Variants in UBE2H observed in about 807,000 individuals in gnomAD.
The protein encoded by UBE2H is ubiquitin-conjugating enzyme E2 H.
In UBE2H, 3 loss-of-function variants were observed where a neutral mutation model predicts 29.0. That is an observed-to-expected ratio of 0.10 (90% CI 0.05 to 0.27). The LOEUF is 0.27. Ranked by LOEUF, UBE2H falls within the 10% of genes least tolerant of loss-of-function variation. UBE2H has a pLI of 1.00. For synonymous variants in UBE2H, 69 were observed against 82.9 expected (o/e 0.83, Z 0.91); for missense variants, 68 against 228.2 (o/e 0.30, Z 4.52).
chr7:129,947,984 C>T (rs1807799099), intron 1 of UBE2H, among the ~76,000 whole-genome samples: 1 of 152,114 alleles, frequency 6.6e-6, no homozygotes, highest in Non-Finnish European at 1.5e-5. Context: ...TCCCAAGTAG[C>T]TGGGACTACA....
chr7:129,931,365 G>A (rs1807392880), intron 1 of UBE2H, among the ~76,000 whole-genome samples: 3 of 152,042 alleles, frequency 2.0e-5, no homozygotes, highest in Admixed American at 2.0e-4. Flanking sequence ...TCCAGCCTGG[G>A]CAACAGAGTA....
intron 1 of UBE2H, among the ~76,000 whole-genome samples, chr7:129,925,713 T>G (rs1807253756): frequency 6.6e-6 from 1 of 152,136 alleles, no homozygotes; most frequent in African/African-American, 2.4e-5. Flanking sequence ...AGGGGAATAG[T>G]CTCAGCTAGC....
At chr7:129,863,155 T>G (rs1453522836) in intron 3 of UBE2H, among the ~76,000 whole-genome samples, 1 of 152,238 alleles carries the variant, frequency 6.6e-6, no homozygotes, top group Non-Finnish European at 1.5e-5. Context: ...CAGTTTTCAA[T>G]TAAATCTAGA....
At chr7:129,897,077 C>G (rs1046761069) in intron 1 of UBE2H, among the ~76,000 whole-genome samples, 6 of 152,106 alleles carry the variant, frequency 3.9e-5, no homozygotes, top group African/African-American at 1.4e-4. Context: ...ATTCAGCGCA[C>G]CCCAAAGTCA....
At chr7:129,946,113 C>T (rs1455164436) in intron 1 of UBE2H, among the ~76,000 whole-genome samples, 3 of 150,704 alleles carry the variant, frequency 2.0e-5, no homozygotes, top group African/African-American at 7.3e-5. Context: ...AGCACAGTGG[C>T]GCTATCTCTG....
chr7:129,864,841 C>T (rs1041110955), intron 3 of UBE2H, among the ~76,000 whole-genome samples: 3 of 152,050 alleles, frequency 2.0e-5, no homozygotes, highest in Non-Finnish European at 4.4e-5. Flanking sequence ...AGTGAGCCAC[C>T]GTGCCCGGCC....
chr7:129,932,699 G>A (rs927715759), intron 1 of UBE2H, among the ~76,000 whole-genome samples: 40 of 150,562 alleles, frequency 2.7e-4, no homozygotes, highest in African/African-American at 9.0e-4. Flanking sequence ...GCCTGAACCC[G>A]GAAGGCGGAG....
chr7:129,880,081 GA>G (rs1346901264), intron 2 of UBE2H, among the ~76,000 whole-genome samples: 2 of 152,154 alleles, frequency 1.3e-5, no homozygotes, highest in Non-Finnish European at 1.5e-5. Flanking sequence ...GAGATAAAGA[GA>G]AAACTACAGT....
At chr7:129,924,080 T>C (rs1227813321) in intron 1 of UBE2H, among the ~76,000 whole-genome samples, 2 of 152,198 alleles carry the variant, frequency 1.3e-5, no homozygotes, top group Non-Finnish European at 2.9e-5. Flanking sequence ...TTTTAATAAT[T>C]ATACCTTCAG....
chr7:129,850,805 ACT>A (rs1297502943), intron 5 of UBE2H, among the ~76,000 whole-genome samples: 1 of 149,350 alleles, frequency 6.7e-6, no homozygotes, highest in African/African-American at 2.5e-5. Context: ...ACAGAGTAAG[ACT>A]CTGTCTCAAA....
At chr7:129,842,417 T>C (rs1805444535) in intron 5 of UBE2H, among the ~76,000 whole-genome samples, 1 of 152,006 alleles carries the variant, frequency 6.6e-6, no homozygotes, top group Admixed American at 6.6e-5. Context: ...GGCAAGTGAG[T>C]GGAACCCTGT....
At chr7:129,854,060 G>GGTTTTTTA (rs1554430936) in intron 5 of UBE2H, among the ~76,000 whole-genome samples, 5 of 100,312 alleles carry the variant, frequency 5.0e-5, no homozygotes, top group Non-Finnish European at 9.9e-5. Context: ...TTTAGTGTTA[G>GGTTTTTTA]TTTTTTTTTT....
chr7:129,887,918 A>C (rs1179408557), intron 1 of UBE2H, among the ~76,000 whole-genome samples: 3 of 152,140 alleles, frequency 2.0e-5, no homozygotes, highest in African/African-American at 7.2e-5. Flanking sequence ...AAAACAAAAA[A>C]ACCAAAGACT....
At chr7:129,854,132 G>T (rs1294349467) in intron 5 of UBE2H, among the ~76,000 whole-genome samples, 1 of 145,186 alleles carries the variant, frequency 6.9e-6, no homozygotes, top group Non-Finnish European at 1.5e-5. Context: ...GATTCTCTCA[G>T]GAACCACTGC....
chr7:129,915,854 G>GT (rs1353864764), intron 1 of UBE2H, among the ~76,000 whole-genome samples: 1 of 152,130 alleles, frequency 6.6e-6, no homozygotes. Context: ...CCATAAAAAT[G>GT]TTGAGTACCA....
chr7:129,847,043 G>A (rs577981395), intron 5 of UBE2H, among the ~76,000 whole-genome samples: 6 of 150,492 alleles, frequency 4.0e-5, no homozygotes, highest in East Asian at 3.9e-4. Flanking sequence ...TTTTTGAGAC[G>A]GAGTCTCGCT....
At position 129,833,364 on chromosome 7, in the gene UBE2H, CA is replaced by C. The variant is rs1452498226; in HGVS notation, c.*1572del. 2 of 152,512 alleles carry C rather than the reference CA, an allele frequency of 1.3e-5. No individual in the cohort carries two copies. Among genetic ancestry groups the C allele is most frequent in the Admixed American group, 1.3e-4 (2 of 15,276 alleles). 9.4% of individuals were successfully genotyped at this position (152,512 alleles called of 1,614,324 possible). On this transcript the variant is annotated 3_prime_UTR_variant, in exon 7 of 7. Transcript: ENST00000355621. ...AATTAAATAATCCCAGTGGGATGCT[CA>C]AAAATCGTCTTTAGAAGGTTTTAGG...
rs893769788 is a variant in UBE2H at position 129,835,103 on chromosome 7, C to G, written c.428-42G>C. 17 of 1,611,350 alleles carry G rather than the reference C, an allele frequency of 1.1e-5. 1 individual carries two copies. The highest frequency in any genetic ancestry group is 1.3e-5 in the Non-Finnish European group (15 of 1,178,612). ...AAAGACAACAAGGGCAGTGAGTGGG[C>G]AGGCATGTGCTTTGGCGACCCCAAA... On this transcript the variant is annotated intron_variant, in intron 6 of 6. Coordinates refer to ENST00000355621, the MANE Select transcript of UBE2H (RefSeq NM_003344.4).
chr7:129,848,285 T>G (rs993624146), intron 5 of UBE2H, among the ~76,000 whole-genome samples: 1 of 152,204 alleles, frequency 6.6e-6, no homozygotes, highest in Non-Finnish European at 1.5e-5. Context: ...CAATGATTAT[T>G]TGCCAATCAA....
Sources: allele counts gnomAD v4.1 joint callset (sites outside exome capture counted in the v4.1 genomes callset), GRCh38; gene constraint gnomAD v4.1.1; transcripts MANE v1.5; gene names NCBI Gene and HGNC (gene_info 2026-07-23, HGNC 2026-07-21).